The following CACNA1D variants were observed in gnomAD, a reference collection of about 807,000 sequenced individuals.
The protein encoded by CACNA1D is voltage-dependent L-type calcium channel subunit alpha-1D.
Under a neutral mutation model 257.1 loss-of-function variants are expected in CACNA1D, and 55 were observed. That is an observed-to-expected ratio of 0.21 (90% CI 0.17 to 0.27). The LOEUF (loss-of-function observed/expected upper bound fraction) is 0.27. Among genes scored for constraint, CACNA1D ranks in the 10% least tolerant of loss-of-function variants. The pLI, the probability that CACNA1D is intolerant of heterozygous loss-of-function variation, is 1.00. For synonymous variants in CACNA1D, 980 were observed against 1,014.9 expected, an observed-to-expected ratio of 0.97 and a Z score of 0.65; for missense variants, 1,876 against 2,784.0, an observed-to-expected ratio of 0.67 and a Z score of 7.34.
At chr3:53,543,920 A>G (rs1018378486) in intron 3 of CACNA1D, among the ~76,000 whole-genome samples, 11 of 152,204 alleles carry the variant, frequency 7.2e-5, no homozygotes, top group Non-Finnish European at 1.5e-4. Context: ...ACAAAGAAGA[A>G]AATAAGAATC....
At chr3:53,543,459 G>A (rs963975292) in intron 3 of CACNA1D, among the ~76,000 whole-genome samples, 20 of 152,200 alleles carry the variant, frequency 1.3e-4, no homozygotes, top group African/African-American at 4.8e-4. Flanking sequence ...TGGTAGGTGT[G>A]TGGGAATCTA....
intron 15 of CACNA1D, among the ~76,000 whole-genome samples, chr3:53,730,145 GACACAC>G (rs141136553): frequency 6.6e-6 from 1 of 151,676 alleles, no homozygotes; most frequent in South Asian, 2.1e-4. Flanking sequence ...TAGATGTTTG[GACACAC>G]ACACACACAG....
At chr3:53,748,995 G>T (rs967251882) in intron 26 of CACNA1D, 3 of 571,876 alleles carry the variant, frequency 5.2e-6, no homozygotes, top group Admixed American at 2.6e-5. Context: ...TGAATAGAAA[G>T]GAGTGTTTTA....
chr3:53,595,072 G>T (rs1559891713), intron 3 of CACNA1D, among the ~76,000 whole-genome samples: 1 of 152,126 alleles, frequency 6.6e-6, no homozygotes, highest in Non-Finnish European at 1.5e-5. Flanking sequence ...TTTCCATGTT[G>T]TCTATACATT....
At chr3:53,619,326 C>T (rs1384948134) in intron 3 of CACNA1D, among the ~76,000 whole-genome samples, 1 of 152,182 alleles carries the variant, frequency 6.6e-6, no homozygotes, top group Non-Finnish European at 1.5e-5. Context: ...ATGGAAAAAT[C>T]CCCATTTTCT....
At chr3:53,566,816 G>A (rs1282365731) in intron 3 of CACNA1D, among the ~76,000 whole-genome samples, 1 of 152,302 alleles carries the variant, frequency 6.6e-6, no homozygotes, top group East Asian at 1.9e-4. Context: ...TCTTCCATGA[G>A]TATTCTTCCA....
At position 53,555,732 on chromosome 3, in the gene CACNA1D, C is replaced by T. The variant is rs536050197; in HGVS notation, c.483+54012C>T. 9.2e-5 allele frequency among the ~76,000 whole-genome samples: 14 copies of T among 152,156 alleles called. 1 individual carries two copies. In the South Asian group the frequency reaches 2.3e-3, roughly 25 times the overall value. The stretch of plus-strand genomic sequence containing the variant: ...TAAACCCTGTTTGCATCTCAGCAGA[C>T]GGGAATGCCTGCCTACTTCTCATCT... On this transcript the variant is annotated intron_variant, in intron 3 of 47. Transcript: ENST00000350061.
intron 8 of CACNA1D, among the ~76,000 whole-genome samples, chr3:53,683,137 A>G (rs1274221932): frequency 6.6e-6 from 1 of 152,180 alleles, no homozygotes; most frequent in Non-Finnish European, 1.5e-5. Context: ...TCCAGTACTC[A>G]GAGTGGAGGT....
intron 45 of CACNA1D, among the ~76,000 whole-genome samples, chr3:53,807,182 A>G (rs2095570763): frequency 6.6e-6 from 1 of 152,000 alleles, no homozygotes; most frequent in Admixed American, 6.5e-5. Flanking sequence ...AGAAATGGAA[A>G]AGCACCACAT....
At chr3:53,582,001 G>A (rs2093140591) in intron 3 of CACNA1D, among the ~76,000 whole-genome samples, 1 of 152,150 alleles carries the variant, frequency 6.6e-6, no homozygotes, top group Non-Finnish European at 1.5e-5. Context: ...TACATCTGGG[G>A]TCCTTCTCCT....
intron 3 of CACNA1D, among the ~76,000 whole-genome samples, chr3:53,533,485 G>A (rs185350251): frequency 6.6e-5 from 10 of 152,290 alleles, no homozygotes; most frequent in Admixed American, 5.9e-4. Flanking sequence ...GTCTTCTTCT[G>A]TGTGGTCAGA....
At chr3:53,702,336 G>T (rs1279944926) in intron 8 of CACNA1D, among the ~76,000 whole-genome samples, 1 of 152,218 alleles carries the variant, frequency 6.6e-6, no homozygotes, top group Admixed American at 6.5e-5. Context: ...TCAGAGGCCT[G>T]CCATGACAGC....
chr3:53,695,364 C>T (rs898417), intron 8 of CACNA1D, among the ~76,000 whole-genome samples: 128,150 of 152,194 alleles, frequency 0.84, 54,415 homozygotes, highest in East Asian at 1. Flanking sequence ...GCCTGTGCCC[C>T]GAGACCCTCA....
At chr3:53,577,140 G>A (rs1353656591) in intron 3 of CACNA1D, among the ~76,000 whole-genome samples, 1 of 152,184 alleles carries the variant, frequency 6.6e-6, no homozygotes, top group Non-Finnish European at 1.5e-5. Flanking sequence ...TACTGGCCAT[G>A]TGGTCTGGAG....
intron 3 of CACNA1D, among the ~76,000 whole-genome samples, chr3:53,622,611 T>G (rs35836778): frequency 0.3 from 45,212 of 151,742 alleles, 6,817 homozygotes; most frequent in Middle Eastern, 0.33. Context: ...ACACACTGGG[T>G]CCTTTTGGAG....
chr3:53,508,990 A>C (rs1233030516), intron 3 of CACNA1D, among the ~76,000 whole-genome samples: 5 of 152,190 alleles, frequency 3.3e-5, no homozygotes, highest in African/African-American at 1.2e-4. Flanking sequence ...GCTGGTTAGC[A>C]GTTGATCCAG....
chr3:53,666,380 G>A lies in CACNA1D; in HGVS notation c.961G>A (p.Gly321Arg). 3.7e-6 allele frequency: 6 copies of A among 1,614,212 alleles called. No homozygotes were observed. Among genetic ancestry groups the A allele is most frequent in the Non-Finnish European group, 5.1e-6 (6 of 1,180,044 alleles). ...GGACCCAGCTCCATGTGCGTTCTCA[G>A]GGAATGGACGCCAGTGTACTGCCAA... ...EEDPAPCAFS[G>R]NGRQCTANGT... is the part of the protein sequence containing the mutation. Residue 321 changes from glycine to arginine, a missense_variant, in exon 7 of 48, where the codon GGG becomes AGG. By Grantham distance (125) the Gly-to-Arg change is moderately radical. Coordinates refer to ENST00000350061, the MANE Select transcript of CACNA1D (RefSeq NM_001128840.3).
chr3:53,806,495 T>C (rs1273614007), intron 45 of CACNA1D, among the ~76,000 whole-genome samples: 1 of 152,214 alleles, frequency 6.6e-6, no homozygotes, highest in Non-Finnish European at 1.5e-5. Flanking sequence ...GGTGCAGCCC[T>C]GGCCCCTTCC....
In CACNA1D at chr3:53,812,484, A is replaced by AGTCT. The variant is rs1431721941; in HGVS notation, c.*1079_*1082dup. The AGTCT allele has an allele frequency of 2.0e-5, 3 of 152,254 alleles. No individual in the cohort carries two copies. The highest frequency in any genetic ancestry group is 2.9e-5 in the Non-Finnish European group (2 of 68,040). 9.4% of individuals were successfully genotyped at this position (152,254 alleles called of 1,614,324 possible). ...CAAGATATACCAGATGACTATTTGC[A>AGTCT]GTCTTTTCTTTGGGCAAGAGTTCCA... On this transcript the variant is annotated 3_prime_UTR_variant, in exon 48 of 48. Transcript: ENST00000350061.
Sources: gnomAD v4.1 joint callset for allele counts (sites outside exome capture counted in the v4.1 genomes callset) on GRCh38, gnomAD v4.1.1 for gene constraint, MANE v1.5 for transcripts, NCBI Gene and HGNC (gene_info 2026-07-23, HGNC 2026-07-21) for gene names.